Variants in PRKG1 observed in about 807,000 individuals in gnomAD.
PRKG1 encodes cGMP-dependent protein kinase 1.
A neutral mutation model predicts 88.1 loss-of-function variants in PRKG1; 35 were observed. That is an observed-to-expected ratio of 0.40 (90% CI 0.30 to 0.53). PRKG1 has a LOEUF of 0.53. Among genes scored for constraint, PRKG1 ranks in the 20% least tolerant of loss-of-function variants. The pLI is 0.59. For synonymous variants in PRKG1, 303 were observed against 292.5 expected, an observed-to-expected ratio of 1.04 and a Z score of -0.37; for missense variants, 540 against 839.8, an observed-to-expected ratio of 0.64 and a Z score of 4.41.
chr10:51,691,236 T>G (rs915159864), intron 3 of PRKG1, among the ~76,000 whole-genome samples: 1 of 151,460 alleles, frequency 6.6e-6, no homozygotes, highest in Non-Finnish European at 1.5e-5. Context: ...CTTTGGGTTT[T>G]CCTTTTGTTG....
At chr10:51,397,399 G>A (rs1837608513) in intron 2 of PRKG1, among the ~76,000 whole-genome samples, 1 of 151,992 alleles carries the variant, frequency 6.6e-6, no homozygotes, top group Non-Finnish European at 1.5e-5. Flanking sequence ...AATCATACAT[G>A]TACATGTGGA....
At chr10:51,767,319 G>C (rs114652087) in intron 3 of PRKG1, among the ~76,000 whole-genome samples, 4,158 of 152,102 alleles carry the variant, frequency 0.027, 174 homozygotes, top group African/African-American at 0.094. Flanking sequence ...AGACTAAATA[G>C]TATGTAGAAT....
chr10:51,180,924 T>A (rs952881759), intron 2 of PRKG1, among the ~76,000 whole-genome samples: 1 of 152,190 alleles, frequency 6.6e-6, no homozygotes, highest in African/African-American at 2.4e-5. Flanking sequence ...GTGGTGAAAA[T>A]GAACTCTTTA....
chr10:51,647,743 A>G (rs1839949483), intron 3 of PRKG1, among the ~76,000 whole-genome samples: 1 of 152,196 alleles, frequency 6.6e-6, no homozygotes, highest in South Asian at 2.1e-4. Flanking sequence ...AAAATGCTCA[A>G]TCCATTAAAA....
chr10:51,446,991 C>G (rs1379122048), intron 2 of PRKG1, among the ~76,000 whole-genome samples: 1 of 152,020 alleles, frequency 6.6e-6, no homozygotes, highest in African/African-American at 2.4e-5. Flanking sequence ...CTGCAAGCCT[C>G]TTTCTAGAAC....
intron 3 of PRKG1, among the ~76,000 whole-genome samples, chr10:51,677,498 A>G (rs185232831): frequency 1.5e-3 from 222 of 152,294 alleles, no homozygotes; most frequent in Non-Finnish European, 2.6e-3. Context: ...TGTTGTTTTA[A>G]AGAAGTTATA....
At chr10:51,919,687 A>T (rs1243249086) in intron 5 of PRKG1, among the ~76,000 whole-genome samples, 2 of 151,312 alleles carry the variant, frequency 1.3e-5, no homozygotes, top group African/African-American at 2.4e-5. Context: ...TTTTTTTTTT[A>T]AAGTGGCTTA....
chr10:52,175,184 T>C lies in PRKG1; in HGVS notation c.1076+13221T>C, dbSNP rs539505832. Among the ~76,000 whole-genome samples, 172 of 152,194 alleles carry C rather than the reference T, an allele frequency of 1.1e-3. 1 individual carries two copies. Among genetic ancestry groups the C allele is most frequent in the African/African-American group, 4.0e-3 (168 of 41,580 alleles). ...TAGTTTCCTTTGTTTGACTTTTTAA[T>C]TCTATGTGATCAATTTTGTTTTCAG... On this transcript the variant is annotated intron_variant, in intron 9 of 17. Transcript: ENST00000373980.
Position 51,467,758 on chromosome 10 carries a change from T to C in PRKG1, c.514T>C (p.Leu172=). ...KVEVTKEGVK[L]CTMGPGKVFG... ...TGAAGTTACAAAAGAAGGTGTGAAGTTGTGTACCATGGGTCCAGGAAAAGT... is the reference window on the plus strand; with the variant it reads ...TGAAGTTACAAAAGAAGGTGTGAAGCTGTGTACCATGGGTCCAGGAAAAGT... The change falls in exon 3 of 18, where the codon TTG becomes CTG. Residue 172 remains leucine (L), a synonymous_variant. Coordinates refer to ENST00000373980, the MANE Select transcript of PRKG1 (RefSeq NM_006258.4). 1.2e-6 allele frequency: 2 copies of C among 1,612,832 alleles called. No homozygotes were observed. Among genetic ancestry groups the C allele is most frequent in the East Asian group, 2.2e-5 (1 of 44,828 alleles).
chr10:51,316,933 G>T (rs1357683040), intron 2 of PRKG1, among the ~76,000 whole-genome samples: 2 of 152,104 alleles, frequency 1.3e-5, no homozygotes, highest in Admixed American at 1.3e-4. Flanking sequence ...TGAGCTGGGT[G>T]CATAAAATGA....
At chr10:51,240,599 T>C (rs187606432) in intron 2 of PRKG1, among the ~76,000 whole-genome samples, 1 of 152,332 alleles carries the variant, frequency 6.6e-6, no homozygotes, top group East Asian at 1.9e-4. Context: ...AGAAATGTAT[T>C]CACAGGACAA....
At chr10:51,555,388 T>C (rs1169316169) in intron 3 of PRKG1, among the ~76,000 whole-genome samples, 2 of 151,974 alleles carry the variant, frequency 1.3e-5, no homozygotes, top group Non-Finnish European at 2.9e-5. Flanking sequence ...CTCAGTTCAC[T>C]TGAGAAACCA....
chr10:51,833,571 C>T (rs1840055820), intron 4 of PRKG1, among the ~76,000 whole-genome samples: 1 of 151,988 alleles, frequency 6.6e-6, no homozygotes, highest in Non-Finnish European at 1.5e-5. Flanking sequence ...TTTTAATTGA[C>T]AAATAATAAT....
intron 2 of PRKG1, among the ~76,000 whole-genome samples, chr10:51,159,852 AT>A (rs1296945060): frequency 6.6e-6 from 1 of 152,204 alleles, no homozygotes; most frequent in Non-Finnish European, 1.5e-5. Context: ...ATAAATCTAG[AT>A]GGCCAAAGAA....
chr10:51,287,222 C>T (rs1840465054), intron 2 of PRKG1, among the ~76,000 whole-genome samples: 1 of 152,094 alleles, frequency 6.6e-6, no homozygotes, highest in Non-Finnish European at 1.5e-5. Flanking sequence ...TGGATTCCAC[C>T]ATTTATTCAT....
intron 1 of PRKG1, among the ~76,000 whole-genome samples, chr10:51,057,909 A>G (rs1344190720): frequency 1.3e-5 from 2 of 152,116 alleles, no homozygotes; most frequent in Non-Finnish European, 2.9e-5. Context: ...TGGGATAGCC[A>G]TATAATTAGT....
intron 5 of PRKG1, among the ~76,000 whole-genome samples, chr10:52,001,103 G>A (rs957143964): frequency 6.6e-6 from 1 of 151,934 alleles, no homozygotes; most frequent in East Asian, 1.9e-4. Context: ...TGCAGTATTT[G>A]TCTTTCTGTG....
At chr10:52,000,110 TA>T in intron 5 of PRKG1, among the ~76,000 whole-genome samples, 1 of 152,164 alleles carries the variant, frequency 6.6e-6, no homozygotes, top group South Asian at 2.1e-4. Flanking sequence ...TTTTTTCAAA[TA>T]AAATCTCAGA....
intron 2 of PRKG1, among the ~76,000 whole-genome samples, chr10:51,188,427 A>G (rs1334286940): frequency 1.3e-5 from 2 of 151,916 alleles, no homozygotes; most frequent in African/African-American, 4.8e-5. Flanking sequence ...TTCAATGTCT[A>G]TCTTATGTGA....
Sources: gnomAD v4.1 joint callset for allele counts (sites outside exome capture counted in the v4.1 genomes callset) on GRCh38, gnomAD v4.1.1 for gene constraint, MANE v1.5 for transcripts, NCBI Gene and HGNC (gene_info 2026-07-23, HGNC 2026-07-21) for gene names.